THSD4: variants seen among roughly 807,000 people sequenced by gnomAD.
The protein encoded by THSD4 is thrombospondin type-1 domain-containing protein 4.
In THSD4, 69 loss-of-function variants were observed where a neutral mutation model predicts 119.0. The ratio of observed to expected loss-of-function variants is 0.58; its 90% confidence interval spans 0.48 to 0.71. THSD4 has a LOEUF of 0.71. Among genes scored for constraint, THSD4 ranks in the 30% least tolerant of loss-of-function variants. THSD4 has a pLI of 0.00. For missense variants in THSD4, 1,393 were observed against 1,391.1 expected (o/e 1.00, Z -0.02); for synonymous variants, 524 against 540.4 (o/e 0.97, Z 0.42).
At chr15:71,636,510 G>A (rs2050746918) in intron 7 of THSD4, among the ~76,000 whole-genome samples, 1 of 152,124 alleles carries the variant, frequency 6.6e-6, no homozygotes, top group Non-Finnish European at 1.5e-5. Context: ...AAAAATCAGA[G>A]ATACTCAAAG....
At position 71,556,877 on chromosome 15, in the gene THSD4, A is replaced by C. The variant is rs569785039; in HGVS notation, c.1153-103653A>C. Among the ~76,000 whole-genome samples, 303 of 152,152 alleles carry C rather than the reference A, an allele frequency of 2.0e-3. 2 individuals carry two copies. The highest frequency in any genetic ancestry group is 7.1e-3 in the African/African-American group (294 of 41,556). On this transcript the variant is annotated intron_variant, in intron 7 of 17. Coordinates refer to ENST00000261862, the MANE Select transcript of THSD4 (RefSeq NM_024817.3). ...TGTAATTTCTAGTACATAATTATGT[A>C]ATCTGTGAATAATGGCCATTTTGGC...
At chr15:71,570,065 G>T (rs72737286) in intron 7 of THSD4, among the ~76,000 whole-genome samples, 1 of 152,074 alleles carries the variant, frequency 6.6e-6, no homozygotes, top group East Asian at 1.9e-4. Flanking sequence ...AAAATAAAGC[G>T]GATAAAATAT....
chr15:71,696,383 A>G (rs531356635), intron 8 of THSD4, among the ~76,000 whole-genome samples: 12 of 152,248 alleles, frequency 7.9e-5, no homozygotes, highest in African/African-American at 2.4e-4. Flanking sequence ...GACTAATACA[A>G]TCTCATCAGA....
chr15:71,231,654 G>A (rs1175424637), intron 4 of THSD4, among the ~76,000 whole-genome samples: 1 of 152,104 alleles, frequency 6.6e-6, no homozygotes, highest in Non-Finnish European at 1.5e-5. Flanking sequence ...TCTCATGCTG[G>A]CCTTTAAACT....
chr15:71,701,971 A>G (rs1397132090), intron 8 of THSD4, among the ~76,000 whole-genome samples: 3 of 152,216 alleles, frequency 2.0e-5, no homozygotes, highest in Non-Finnish European at 2.9e-5. Context: ...CAGAGGTAAC[A>G]CTGCTGCACA....
intron 8 of THSD4, among the ~76,000 whole-genome samples, chr15:71,691,426 A>G (rs886316820): frequency 3.3e-5 from 5 of 152,246 alleles, no homozygotes; most frequent in African/African-American, 1.2e-4. Context: ...GCTGGAGACC[A>G]TGCCTGTTCA....
chr15:71,227,576 A>T (rs527787183), intron 4 of THSD4, among the ~76,000 whole-genome samples: 1 of 152,322 alleles, frequency 6.6e-6, no homozygotes, highest in African/African-American at 2.4e-5. Flanking sequence ...TTTTTGCAGG[A>T]CCTACTATGT....
At chr15:71,499,500 T>TAA (rs60677215) in intron 7 of THSD4, among the ~76,000 whole-genome samples, 146 of 144,310 alleles carry the variant, frequency 1.0e-3, no homozygotes, top group African/African-American at 3.4e-3. Flanking sequence ...TTTATTATGG[T>TAA]AAAAAAAAAA....
At chr15:71,769,912 AT>A (rs1360255662) in intron 16 of THSD4, among the ~76,000 whole-genome samples, 1 of 56,470 alleles carries the variant, frequency 1.8e-5, no homozygotes, top group Admixed American at 2.0e-4. Context: ...AGAATTATCA[AT>A]AAAAAAAATA....
At chr15:71,382,835 T>C (rs1040469338) in intron 6 of THSD4, among the ~76,000 whole-genome samples, 1 of 152,244 alleles carries the variant, frequency 6.6e-6, no homozygotes, top group Non-Finnish European at 1.5e-5. Context: ...TTCTCTATAC[T>C]GTATTAAAAA....
intron 6 of THSD4, among the ~76,000 whole-genome samples, chr15:71,378,513 A>G (rs2046181059): frequency 6.6e-6 from 1 of 152,260 alleles, no homozygotes; most frequent in Non-Finnish European, 1.5e-5. Flanking sequence ...ACAAGGTCCC[A>G]TCATCCTTGA....
chr15:71,507,924 T>C (rs1050008156), intron 7 of THSD4, among the ~76,000 whole-genome samples: 6 of 152,202 alleles, frequency 3.9e-5, no homozygotes, highest in Non-Finnish European at 8.8e-5. Flanking sequence ...TAATAACTTT[T>C]GTTGGGTTTT....
At chr15:71,431,667 C>A (rs1417905674) in intron 7 of THSD4, among the ~76,000 whole-genome samples, 1 of 152,122 alleles carries the variant, frequency 6.6e-6, no homozygotes, top group Non-Finnish European at 1.5e-5. Flanking sequence ...GGGGAACTTA[C>A]AGACAGAAAC....
intron 7 of THSD4, among the ~76,000 whole-genome samples, chr15:71,492,995 T>G (rs368397848): frequency 3.3e-5 from 5 of 152,152 alleles, no homozygotes; most frequent in East Asian, 1.9e-4. Context: ...CATCAAACTT[T>G]CCAAATAAAA....
chr15:71,341,666 T>A, intron 6 of THSD4: 1 of 1,508,694 alleles, frequency 6.6e-7, no homozygotes, highest in East Asian at 2.3e-5. Context: ...ACCTCTTGAT[T>A]TGCCTGATTT....
intron 6 of THSD4, among the ~76,000 whole-genome samples, chr15:71,352,011 A>C (rs1208036205): frequency 6.6e-6 from 1 of 152,206 alleles, no homozygotes; most frequent in African/African-American, 2.4e-5. Flanking sequence ...AGCCCCTCTG[A>C]AGAACCATGT....
intron 14 of THSD4, among the ~76,000 whole-genome samples, chr15:71,757,218 C>T (rs1567138284): frequency 6.6e-6 from 1 of 152,100 alleles, no homozygotes; most frequent in Non-Finnish European, 1.5e-5. Context: ...GTTCCAAAGC[C>T]AAGCTCTCCC....
chr15:71,599,600 G>A (rs989440870), intron 7 of THSD4, among the ~76,000 whole-genome samples: 5 of 152,146 alleles, frequency 3.3e-5, no homozygotes, highest in Admixed American at 6.5e-5. Context: ...AAATACTAAC[G>A]CAGGCTAATT....
intron 7 of THSD4, among the ~76,000 whole-genome samples, chr15:71,505,124 C>A (rs1400742927): frequency 2.0e-5 from 3 of 152,174 alleles, no homozygotes; most frequent in African/African-American, 7.2e-5. Context: ...TTGGGATATT[C>A]ATCTTGATGA....
Sources: gnomAD v4.1 joint callset for allele counts (sites outside exome capture counted in the v4.1 genomes callset) on GRCh38, gnomAD v4.1.1 for gene constraint, MANE v1.5 for transcripts, NCBI Gene and HGNC (gene_info 2026-07-23, HGNC 2026-07-21) for gene names.